TNS4: variants seen among roughly 807,000 people sequenced by gnomAD.
TNS4 encodes the protein tensin-4.
TNS4 carries 46 observed loss-of-function variants against 70.4 expected under a neutral mutation model. The ratio of observed to expected loss-of-function variants is 0.65; its 90% CI spans 0.52 to 0.84. The LOEUF (loss-of-function observed/expected upper bound fraction) is 0.84, where lower values mean the gene tolerates loss of function less well. TNS4 is among the 40% of genes least tolerant of loss of function. The pLI is 0.00. For synonymous variants in TNS4, 390 were observed against 366.6 expected (o/e 1.06, Z -0.73); for missense variants, 863 against 907.0 (o/e 0.95, Z 0.62).
chr17:40,497,687 C>A (rs4890088), intron 1 of TNS4, among the ~76,000 whole-genome samples: 146,902 of 152,134 alleles, frequency 0.97, 70,984 homozygotes, highest in South Asian at 0.99. Flanking sequence ...CTCACAAGAC[C>A]CTATTGAGCA....
intron 12 of TNS4, 60 bp from the exon 13 acceptor site, chr17:40,477,789 G>A: frequency 1.3e-6 from 2 of 1,498,884 alleles, no homozygotes; most frequent in Non-Finnish European, 1.8e-6. Context: ...AGGCTGGTGG[G>A]AATGGGGTGG....
Position 40,479,801 on chromosome 17 carries a change from G to T in TNS4, c.1783C>A (p.Leu595Met). ...TTCTGCACGGCCAGGGCTCCAGTCA[G>T]GGTCTCCACGCTCACTGAGCTCAGG... ...LYLSSVSVETLTGALAVQKAI... is the reference protein window; with the variant it reads ...LYLSSVSVETMTGALAVQKAI... Residue 595 changes from leucine (L) to methionine (M), a missense_variant, in exon 10 of 13, where the codon CTG (leucine) becomes ATG (methionine). Leu to Met is a conservative substitution (Grantham distance 15, BLOSUM62 2). Coordinates refer to ENST00000254051, the MANE Select transcript of TNS4 (RefSeq NM_032865.6). 6.2e-7 allele frequency: 1 copy of T among 1,613,764 alleles called. No individual in the cohort carries two copies. The highest frequency in any genetic ancestry group is 1.1e-5 in the South Asian group (1 of 91,038).
intron 2 of TNS4, among the ~76,000 whole-genome samples, chr17:40,494,484 C>T (rs1349935725): frequency 2.0e-5 from 3 of 152,318 alleles, no homozygotes; most frequent in East Asian, 3.9e-4. Flanking sequence ...GTAATCCCAG[C>T]ACTTTGGGAG....
chr17:40,482,306 G>C lies in TNS4; in HGVS notation c.1594+18C>G. The stretch of plus-strand genomic sequence containing the variant: ...TGGCCCCCCATCCCGGGGGAGCCTG[G>C]AGGCTGGGGAGTCTCACCAAAGTAG... On this transcript the variant is annotated intron_variant, in intron 7 of 12. Coordinates refer to ENST00000254051, the MANE Select transcript of TNS4 (RefSeq NM_032865.6). The C allele has an allele frequency of 1.2e-6, 2 of 1,614,114 alleles. No individual in the cohort carries two copies. The highest frequency in any genetic ancestry group is 1.7e-6 in the Non-Finnish European group (2 of 1,179,962).
At chr17:40,490,049 G>A (rs750239489) in intron 2 of TNS4, among the ~76,000 whole-genome samples, 3 of 152,284 alleles carry the variant, frequency 2.0e-5, no homozygotes, top group Admixed American at 6.5e-5. Flanking sequence ...GCATTTTAGC[G>A]AGGCCACCCA....
intron 4 of TNS4, among the ~76,000 whole-genome samples, chr17:40,486,478 C>G (rs1399359120): frequency 6.6e-6 from 1 of 152,006 alleles, no homozygotes; most frequent in Non-Finnish European, 1.5e-5. Context: ...CCCCATCACT[C>G]TCCTGTGTGA....
In TNS4 at chr17:40,496,332, G is replaced by A; in HGVS notation, c.94C>T (p.Pro32Ser). 2 of 1,613,588 alleles carry A rather than the reference G, an allele frequency of 1.2e-6. No individual in the cohort carries two copies. Among genetic ancestry groups the A allele is most frequent in the Middle Eastern group, 1.7e-4 (1 of 5,794 alleles). ...CACTGGGGTGGCAGGCTGGGGCTGGGTGCTGGGTGCAGGGTCCTCCTGGGC... is the reference window on the plus strand; with the variant it reads ...CACTGGGGTGGCAGGCTGGGGCTGGATGCTGGGTGCAGGGTCCTCCTGGGC... ...DEPRRTLHPA[P>S]SPSLPPQCSY... is the part of the protein sequence containing the mutation. Residue 32 changes from proline to serine, a missense_variant, in exon 2 of 13, where the codon CCC becomes TCC. Pro to Ser is a moderately conservative substitution (Grantham distance 74). Coordinates refer to ENST00000254051, the MANE Select transcript of TNS4 (RefSeq NM_032865.6).
chr17:40,478,614 G>A lies in TNS4; in HGVS notation c.1945C>T (p.Leu649Phe). ...FFRRHYPLTT[L>F]RFCGMDPEQR... is the part of the protein sequence containing the mutation. The stretch of plus-strand genomic sequence containing the variant: ...TCAGGGTCCATACCACAGAAGCGGA[G>A]GGTGGTGAGTGGGTAATGGCGCCGG... The change falls in exon 11 of 13, where the codon CTC (leucine) becomes TTC (phenylalanine). Residue 649 changes from leucine (L) to phenylalanine (F), a missense_variant. Leu to Phe is a conservative substitution (Grantham distance 22). Coordinates refer to ENST00000254051, the MANE Select transcript of TNS4 (RefSeq NM_032865.6). 6.2e-7 allele frequency: 1 copy of A among 1,614,178 alleles called. No homozygotes were observed. The highest frequency in any genetic ancestry group is 8.5e-7 in the Non-Finnish European group (1 of 1,180,024).
At chr17:40,478,805 G>T (rs985019291) in intron 10 of TNS4, among the ~76,000 whole-genome samples, 157 bp from the exon 11 acceptor site, 5 of 152,190 alleles carry the variant, frequency 3.3e-5, no homozygotes, top group African/African-American at 1.2e-4. Flanking sequence ...CCACTGGGGG[G>T]CCCTGGCGCC....
chr17:40,483,828 C>T (rs1214990921), intron 6 of TNS4, among the ~76,000 whole-genome samples: 1 of 152,196 alleles, frequency 6.6e-6, no homozygotes, highest in Non-Finnish European at 1.5e-5. Flanking sequence ...ACTCTGGGAG[C>T]CTCCGTTATC....
chr17:40,497,273 T>A (rs1349996011), intron 1 of TNS4, among the ~76,000 whole-genome samples: 2 of 151,958 alleles, frequency 1.3e-5, no homozygotes, highest in African/African-American at 4.8e-5. Context: ...GCTGCGCAAG[T>A]TGAGTAGGGA....
chr17:40,491,250 CACTT>C (rs1204835382), intron 2 of TNS4, among the ~76,000 whole-genome samples: 1 of 152,196 alleles, frequency 6.6e-6, no homozygotes, highest in African/African-American at 2.4e-5. Context: ...ATGGAGCTAA[CACTT>C]AGTGTACAAC....
intron 1 of TNS4, among the ~76,000 whole-genome samples, chr17:40,497,593 ACTCTGT>A (rs1374087775): frequency 1.3e-5 from 2 of 152,212 alleles, no homozygotes; most frequent in Non-Finnish European, 2.9e-5. Flanking sequence ...ACAGAGCAAG[ACTCTGT>A]CTCTAACTAA....
chr17:40,478,247 T>C, intron 12 of TNS4, 60 bp downstream of exon 12: 1 of 1,606,068 alleles, frequency 6.2e-7, no homozygotes, highest in Non-Finnish European at 8.5e-7. Context: ...ATGGTGCCTC[T>C]TTCCTTCTGC....
At chr17:40,479,557 G>T in intron 10 of TNS4, 117 bp downstream of exon 10, 1 of 1,328,046 alleles carries the variant, frequency 7.5e-7, no homozygotes, top group Admixed American at 2.4e-5. Context: ...CACTGGCCCC[G>T]CTGGGTCATC....
rs1231273505 is a variant in TNS4 at position 40,488,826 on chromosome 17, G to A, written c.583C>T (p.Arg195Ter). 4.3e-6 allele frequency: 7 copies of A among 1,613,514 alleles called. No individual in the cohort carries two copies. The highest frequency in any genetic ancestry group is 2.2e-5 in the East Asian group (1 of 44,868). ...LLSRDVPRET[R>*]SSSESLIFSG... ...AAGATGAGGCTCTCACTGCTGCTTC[G>A]TGTCTCTCGGGGGACGTCTCTGGAA... Residue 195 changes from arginine (R) to a stop codon, truncating the protein, a stop_gained, in exon 3 of 13, where the codon CGA (arginine) becomes TGA (stop). Coordinates refer to ENST00000254051, the MANE Select transcript of TNS4 (RefSeq NM_032865.6). LOFTEE classifies it high-confidence loss of function.
At chr17:40,482,497 A>C in intron 6 of TNS4, 81 bp from the exon 7 acceptor site, 1 of 1,373,706 alleles carries the variant, frequency 7.3e-7, no homozygotes, top group Non-Finnish European at 1.0e-6. Context: ...TAATCCCAGC[A>C]CTTTGGGAGG....
At chr17:40,499,397 T>C (rs914617486) in intron 1 of TNS4, among the ~76,000 whole-genome samples, 1 of 152,194 alleles carries the variant, frequency 6.6e-6, no homozygotes, top group Non-Finnish European at 1.5e-5. Flanking sequence ...CCCGGCCGAA[T>C]AAACCCCTTC....
intron 6 of TNS4, among the ~76,000 whole-genome samples, chr17:40,483,712 C>T (rs2035956025): frequency 6.6e-6 from 1 of 152,154 alleles, no homozygotes. Context: ...TAACACCCTC[C>T]CCAGAGGTCA....
Sources: gnomAD v4.1 joint callset for allele counts (sites outside exome capture counted in the v4.1 genomes callset) on GRCh38, gnomAD v4.1.1 for gene constraint, MANE v1.5 for transcripts, NCBI Gene and HGNC (gene_info 2026-07-23, HGNC 2026-07-21) for gene names.